Variants in CARMIL3 observed in about 807,000 individuals in gnomAD.
CARMIL3 encodes capping protein regulator and myosin 1 linker 3.
Under a neutral mutation model 180.8 loss-of-function variants are expected in CARMIL3, and 88 were observed. That is an observed-to-expected ratio of 0.49 (90% CI 0.41 to 0.58). The LOEUF is 0.58. Among genes scored for constraint, CARMIL3 ranks in the 20% least tolerant of loss-of-function variants. CARMIL3 has a pLI of 0.00. For missense variants in CARMIL3, 1,548 were observed against 1,787.0 expected (o/e 0.87, Z 2.41); for synonymous variants, 696 against 714.5 (o/e 0.97, Z 0.41).
In CARMIL3 at chr14:24,061,472, C is replaced by CT. The variant is rs758569235; in HGVS notation, c.2305-24dup. ...CCCTGATCCTGTCCCCCTTGGGCCT[C>CT]TGGCCTCCCTTTCCCCCATACTAGG... On this transcript the variant is annotated intron_variant, in intron 26 of 39. Transcript: ENST00000342740. This position sits in a 1 kb window ranked among gnomAD's most constrained non-coding sequence, Gnocchi z 4.1. 2 of 1,602,844 alleles carry CT rather than the reference C, an allele frequency of 1.2e-6. No homozygotes were observed. The highest frequency in any genetic ancestry group is 3.4e-5 in the Admixed American group (2 of 59,148).
intron 31 of CARMIL3, among the ~76,000 whole-genome samples, chr14:24,063,898 A>C (rs957530888): frequency 2.3e-5 from 2 of 88,854 alleles, no homozygotes; most frequent in Non-Finnish European, 5.1e-5. Flanking sequence ...GATCGAGATC[A>C]TCCTGGCCAA....
rs1400163322 is a variant in CARMIL3 at position 24,055,630 on chromosome 14, G to A, written c.681+12G>A. On this transcript the variant is annotated intron_variant, in intron 9 of 39. Transcript: ENST00000342740. ...AGGACTTGCGGCTGGTAGGAACTGG[G>A]AGGGGCTGGTGAGGTGGGAGAAGTA... 6.2e-7 allele frequency: 1 copy of A among 1,614,120 alleles called. No homozygotes were observed. Among genetic ancestry groups the A allele is most frequent in the East Asian group, 2.2e-5 (1 of 44,884 alleles).
intron 31 of CARMIL3, 24 bp from the exon 32 acceptor site, chr14:24,064,221 TC>T: frequency 1.3e-6 from 2 of 1,575,390 alleles, no homozygotes; most frequent in Non-Finnish European, 1.7e-6. Flanking sequence ...AGATGAGATG[TC>T]CCACGGGACT....
In CARMIL3 at chr14:24,058,331, C is replaced by A; in HGVS notation, c.1392+107C>A. The A allele has an allele frequency of 8.1e-7, 1 of 1,238,320 alleles. No homozygotes were observed. Among genetic ancestry groups the A allele is most frequent in the Non-Finnish European group, 1.1e-6 (1 of 883,552 alleles). 76.7% of individuals were successfully genotyped at this position (1,238,320 alleles called of 1,614,324 possible). ...TAGCCTCTGTGCTGACCCTCTGCGA[C>A]CCCCTGACCTGGCCACACCACCACT... On this transcript the variant is annotated intron_variant, in intron 17 of 39. Coordinates refer to ENST00000342740, the MANE Select transcript of CARMIL3 (RefSeq NM_138360.4). This position sits in a 1 kb window ranked among gnomAD's most constrained non-coding sequence, Gnocchi z 6.4.
Position 24,061,154 on chromosome 14 carries a change from G to A in CARMIL3, c.2304+114G>A, listed in dbSNP as rs775538366. 26 of 891,448 alleles carry A rather than the reference G, an allele frequency of 2.9e-5. 1 individual carries two copies. The highest frequency in any genetic ancestry group is 4.2e-5 in the Non-Finnish European group (24 of 574,422). The allele number at this position is 891,448 out of a possible 1,614,324, so 55.2% of individuals were successfully genotyped here. ...TTCTGGAGGGCCAGGAGGACATGCA[G>A]AGTTGAGACCACCCACGCTCCCACT... On this transcript the variant is annotated intron_variant, in intron 26 of 39. Coordinates refer to ENST00000342740, the MANE Select transcript of CARMIL3 (RefSeq NM_138360.4). The surrounding 1 kb of genome is among the most constrained non-coding windows in gnomAD (Gnocchi z 4.1).
Position 24,059,478 on chromosome 14 carries a change from C to T in CARMIL3, c.1799+36C>T. On this transcript the variant is annotated intron_variant, in intron 21 of 39. Coordinates refer to ENST00000342740, the MANE Select transcript of CARMIL3 (RefSeq NM_138360.4). The surrounding 1 kb of genome is among the most constrained non-coding windows in gnomAD (Gnocchi z 6.3). ...CACCGGGACCCCCTGACCTGGAGCC[C>T]CAGCCCCTCCCCATATGTACATAAT... 3.2e-6 allele frequency: 5 copies of T among 1,549,432 alleles called. No homozygotes were observed. Among genetic ancestry groups the T allele is most frequent in the Non-Finnish European group, 4.4e-6 (5 of 1,145,406 alleles).
chr14:24,054,478 G>T lies in CARMIL3; in HGVS notation c.329G>T (p.Ser110Ile), dbSNP rs747254517. The T allele has an allele frequency of 2.5e-6, 4 of 1,614,110 alleles. No individual in the cohort carries two copies. Among genetic ancestry groups the T allele is most frequent in the Non-Finnish European group, 3.4e-6 (4 of 1,180,030 alleles). The change falls in exon 5 of 40, where the codon AGC (serine) becomes ATC (isoleucine). Residue 110 changes from serine (S) to isoleucine (I), a missense_variant. This residue lies in a region of CARMIL3 where 578 missense variants were observed against 666.5 expected (regional missense o/e 0.87). Coordinates refer to ENST00000342740, the MANE Select transcript of CARMIL3 (RefSeq NM_138360.4). This position sits in a 1 kb window ranked among gnomAD's most constrained non-coding sequence, Gnocchi z 5.1. ...ESVDQVTRHV[S>I]SALSKVCPGP... is the part of the protein sequence containing the mutation. ...GTGGACCAGGTGACACGACATGTGA[G>T]CTCTGCCCTGTCCAAGGTCTGCCCT... is the stretch of plus-strand genomic sequence containing the variant.
intron 1 of CARMIL3, 94 bp downstream of exon 1, chr14:24,052,287 AC>A (rs2035624804): frequency 2.3e-6 from 3 of 1,280,176 alleles, no homozygotes; most frequent in Admixed American, 4.6e-5. Context: ...CCGGTGTCTC[AC>A]ACCCCTCACC....
chr14:24,055,335 A>C (rs1162274377), intron 8 of CARMIL3, 25 bp downstream of exon 8: 13 of 1,612,870 alleles, frequency 8.1e-6, no homozygotes, highest in Non-Finnish European at 9.3e-6. Flanking sequence ...CAGAGACTCC[A>C]CCCTCAAATT....
chr14:24,061,006 G>C lies in CARMIL3; in HGVS notation c.2270G>C (p.Ser757Thr), dbSNP rs2035727420. Residue 757 changes from serine (S) to threonine (T), a missense_variant, in exon 26 of 40, where the codon AGT becomes ACT. Ser to Thr is a moderately conservative substitution (Grantham distance 58). This residue lies in a region of CARMIL3 where 297 missense variants were observed against 415.9 expected (regional missense o/e 0.71). Transcript: ENST00000342740. This position sits in a 1 kb window ranked among gnomAD's most constrained non-coding sequence, Gnocchi z 4.1. ...PVRQRLESVASEVSKAVDKEL... is the reference protein window; with the variant it reads ...PVRQRLESVATEVSKAVDKEL... ...CGGCAGAGGCTGGAATCAGTAGCAAGTGAGGTGTCCAAAGCTGTGGACAAG... is the reference window on the plus strand; with the variant it reads ...CGGCAGAGGCTGGAATCAGTAGCAACTGAGGTGTCCAAAGCTGTGGACAAG... The C allele has an allele frequency of 6.4e-7, 1 of 1,551,600 alleles. No homozygotes were observed. Among genetic ancestry groups the C allele is most frequent in the Admixed American group, 2.0e-5 (1 of 50,994 alleles).
Position 24,062,460 on chromosome 14 carries a change from A to T in CARMIL3, c.2481-20A>T, listed in dbSNP as rs758311144. The stretch of plus-strand genomic sequence containing the variant: ...GGACTGAGGTGCTAATGTTCTGAGT[A>T]GCCCCACCTGTGCCCACAGTGAAGT... On this transcript the variant is annotated intron_variant, in intron 27 of 39. Transcript: ENST00000342740. 2 of 1,610,056 alleles carry T rather than the reference A, an allele frequency of 1.2e-6. No homozygotes were observed. The highest frequency in any genetic ancestry group is 2.2e-5 in the South Asian group (2 of 91,006).
In CARMIL3 at chr14:24,062,854, C is replaced by T; in HGVS notation, c.2706+8C>T. ...GAACTTGGGACCAACATTGTGAGCC[C>T]CCCGCTCCCTGCTCCTCCTTAATAA... is the stretch of plus-strand genomic sequence containing the variant. On this transcript the variant is annotated splice_region_variant and intron_variant, in intron 29 of 39. Coordinates refer to ENST00000342740, the MANE Select transcript of CARMIL3 (RefSeq NM_138360.4). 6.3e-7 allele frequency: 1 copy of T among 1,599,050 alleles called. No homozygotes were observed. Among genetic ancestry groups the T allele is most frequent in the Non-Finnish European group, 8.5e-7 (1 of 1,173,388 alleles).
chr14:24,057,410 A>C (rs2035683317), intron 14 of CARMIL3, among the ~76,000 whole-genome samples, 166 bp downstream of exon 14: 1 of 152,160 alleles, frequency 6.6e-6, no homozygotes, highest in Non-Finnish European at 1.5e-5. Flanking sequence ...CCTGTGTGGC[A>C]CTTTATCCAG....
In CARMIL3 at chr14:24,054,773, C is replaced by CT. The variant is rs2035655658; in HGVS notation, c.426dup (p.Glu143Ter). 1 of 1,614,006 alleles carries CT rather than the reference C, an allele frequency of 6.2e-7. No homozygotes were observed. Among genetic ancestry groups the CT allele is most frequent in the African/African-American group, 1.3e-5 (1 of 74,946 alleles). ...GGGCCCCGAGATACATCCCCCAACTCTGAGACTTCCACATCTACCACCCAC... is the reference window on the plus strand; with the variant it reads ...GGGCCCCGAGATACATCCCCCAACTCTTGAGACTTCCACATCTACCACCCAC... On this transcript the variant is annotated frameshift_variant, in exon 6 of 40. Coordinates refer to ENST00000342740, the MANE Select transcript of CARMIL3 (RefSeq NM_138360.4). LOFTEE classifies it high-confidence loss of function. The surrounding 1 kb of genome is among the most constrained non-coding windows in gnomAD (Gnocchi z 5.1).
rs540341088 is a variant in CARMIL3, at chr14:24,055,221, G to T, written c.532-16G>T. 4.0e-5 allele frequency: 65 copies of T among 1,614,032 alleles called. 1 individual carries two copies. Among genetic ancestry groups the T allele is most frequent in the Middle Eastern group, 3.3e-4 (2 of 6,054 alleles). Reference sequence around the variant, plus strand: ...GGAAGTGGGGAGCAGGTGTGAGCCAGTTCCACCTCTCCAAGGATGTGGACA... The same window carrying T: ...GGAAGTGGGGAGCAGGTGTGAGCCATTTCCACCTCTCCAAGGATGTGGACA... On this transcript the variant is annotated splice_polypyrimidine_tract_variant and intron_variant, in intron 7 of 39. Coordinates refer to ENST00000342740, the MANE Select transcript of CARMIL3 (RefSeq NM_138360.4).
chr14:24,064,379 A>G (rs931707091), intron 32 of CARMIL3, 33 bp downstream of exon 32: 2 of 1,503,772 alleles, frequency 1.3e-6, no homozygotes, highest in African/African-American at 1.4e-5. Context: ...CATTTTCAGC[A>G]GGCCCCAAGG....
In CARMIL3 at chr14:24,069,453, C is replaced by T; in HGVS notation, c.*49C>T. 1 of 1,613,040 alleles carries T rather than the reference C, an allele frequency of 6.2e-7. No homozygotes were observed. The highest frequency in any genetic ancestry group is 8.5e-7 in the Non-Finnish European group (1 of 1,179,264). ...GCCCTCGACATGTGCCTCGCAAGGA[C>T]TCAGACCCCTATCCACCCCCAGTCC... On this transcript the variant is annotated 3_prime_UTR_variant, in exon 40 of 40. Transcript: ENST00000342740.
Position 24,069,574 on chromosome 14 carries a change from T to C in CARMIL3, c.*170T>C. 1.3e-6 allele frequency: 1 copy of C among 766,752 alleles called. No homozygotes were observed. Among genetic ancestry groups the C allele is most frequent in the Non-Finnish European group, 2.1e-6 (1 of 483,604 alleles). The allele number at this position is 766,752 out of a possible 1,614,324, so 47.5% of individuals were successfully genotyped here. On this transcript the variant is annotated 3_prime_UTR_variant, in exon 40 of 40. Coordinates refer to ENST00000342740, the MANE Select transcript of CARMIL3 (RefSeq NM_138360.4). ...AGGGACTAGAACAGAGGGAGCCACCTGGAGAGACGGAGGCTGTCAGTGCCT... is the reference window on the plus strand; with the variant it reads ...AGGGACTAGAACAGAGGGAGCCACCCGGAGAGACGGAGGCTGTCAGTGCCT...
intron 24 of CARMIL3, 88 bp downstream of exon 24, chr14:24,060,343 A>G: frequency 7.0e-7 from 1 of 1,424,970 alleles, no homozygotes; most frequent in Middle Eastern, 1.8e-4. Flanking sequence ...GGGAGCATGA[A>G]GAGGCACTGC....
Sources: allele counts gnomAD v4.1 joint callset (sites outside exome capture counted in the v4.1 genomes callset), GRCh38; gene constraint gnomAD v4.1.1; regional missense constraint gnomAD v4.1.1; non-coding constraint Gnocchi (gnomAD v3.1); transcripts MANE v1.5; gene names NCBI Gene and HGNC (gene_info 2026-07-23, HGNC 2026-07-21).